The following KDM4C variants were observed in gnomAD, a reference collection of about 807,000 sequenced individuals.
KDM4C encodes the protein lysine-specific demethylase 4C.
KDM4C carries 81 observed loss-of-function variants against 129.3 expected under a neutral mutation model. That is an observed-to-expected ratio of 0.63 (90% CI 0.52 to 0.75). The LOEUF (loss-of-function observed/expected upper bound fraction) is 0.75. Among genes scored for constraint, KDM4C ranks in the 30% least tolerant of loss-of-function variants. KDM4C has a pLI of 0.00. For missense variants in KDM4C, 1,457 were observed against 1,304.0 expected (o/e 1.12, Z -1.81); for synonymous variants, 573 against 456.1 (o/e 1.26, Z -3.26).
chr9:7,066,417 C>T (rs746687806), intron 17 of KDM4C, among the ~76,000 whole-genome samples: 1 of 152,112 alleles, frequency 6.6e-6, no homozygotes. Context: ...CCCTTTTTCT[C>T]AGGTATTTCT....
intron 5 of KDM4C, among the ~76,000 whole-genome samples, chr9:6,873,265 T>C (rs1262459938): frequency 6.6e-6 from 1 of 152,148 alleles, no homozygotes; most frequent in Non-Finnish European, 1.5e-5. Flanking sequence ...GGATTACAGG[T>C]GTGCTGGGAT....
chr9:7,152,422 G>A (rs558319731), intron 19 of KDM4C, among the ~76,000 whole-genome samples: 1 of 152,310 alleles, frequency 6.6e-6, no homozygotes, highest in East Asian at 1.9e-4. Flanking sequence ...GTGGCAAATA[G>A]CAAGGTACAA....
intron 12 of KDM4C, among the ~76,000 whole-genome samples, chr9:7,006,897 C>T (rs1264372372): frequency 6.6e-6 from 1 of 152,070 alleles, no homozygotes; most frequent in Non-Finnish European, 1.5e-5. Context: ...CCAGGAGTTT[C>T]ATCTATAGGC....
At chr9:6,799,421 C>G (rs1828472170) in intron 2 of KDM4C, among the ~76,000 whole-genome samples, 1 of 152,162 alleles carries the variant, frequency 6.6e-6, no homozygotes. Context: ...GAAAACCAGT[C>G]AGGAGTGGCG....
At chr9:6,761,874 T>C (rs1819598159) in intron 1 of KDM4C, among the ~76,000 whole-genome samples, 1 of 152,070 alleles carries the variant, frequency 6.6e-6, no homozygotes. Flanking sequence ...TGCAGTGGCA[T>C]GATCTCGGCT....
chr9:6,900,096 C>G (rs746427532), intron 8 of KDM4C, among the ~76,000 whole-genome samples: 1 of 152,166 alleles, frequency 6.6e-6, no homozygotes, highest in East Asian at 1.9e-4. Context: ...GCACTAGACA[C>G]ATCTTATTTT....
rs192652640 is a variant in KDM4C at position 6,917,732 on chromosome 9, G to A, written c.921+24500G>A. ...ATTGTCTTGCTTCTCATCTCATTGA[G>A]AAAATAGAGAACTTCTGCAGACTGC... is the stretch of plus-strand genomic sequence containing the variant. On this transcript the variant is annotated intron_variant, in intron 8 of 21. Transcript: ENST00000381309. 2.4e-3 allele frequency among the ~76,000 whole-genome samples: 363 copies of A among 152,248 alleles called. 4 individuals carry two copies. The highest frequency in any genetic ancestry group is 8.5e-3 in the African/African-American group (355 of 41,556).
chr9:6,925,291 A>C (rs1822271967), intron 8 of KDM4C: 2 of 985,180 alleles, frequency 2.0e-6, no homozygotes, highest in Middle Eastern at 5.2e-4. Flanking sequence ...GGAAAATATA[A>C]TAATGGAGGT....
intron 18 of KDM4C, among the ~76,000 whole-genome samples, chr9:7,127,158 C>A (rs1304166101): frequency 6.6e-6 from 1 of 152,128 alleles, no homozygotes; most frequent in Non-Finnish European, 1.5e-5. Context: ...CAGGAAAAAT[C>A]AGCATACACC....
intron 3 of KDM4C, among the ~76,000 whole-genome samples, chr9:6,806,573 C>A (rs1053200212): frequency 6.6e-6 from 1 of 151,968 alleles, no homozygotes; most frequent in African/African-American, 2.4e-5. Context: ...CCCATAATTT[C>A]TGAAGGTCAG....
intron 5 of KDM4C, among the ~76,000 whole-genome samples, chr9:6,851,016 A>T (rs1259645196): frequency 6.6e-6 from 1 of 152,192 alleles, no homozygotes; most frequent in Non-Finnish European, 1.5e-5. Context: ...TGGCCTCCCA[A>T]AGTGCTGAAA....
At chr9:6,762,172 A>G (rs1004455046) in intron 1 of KDM4C, among the ~76,000 whole-genome samples, 14 of 152,052 alleles carry the variant, frequency 9.2e-5, no homozygotes, top group Non-Finnish European at 1.6e-4. Context: ...ATAGGTATAC[A>G]TGTGCCATGT....
intron 19 of KDM4C, among the ~76,000 whole-genome samples, chr9:7,137,685 T>C (rs1262361177): frequency 2.0e-5 from 3 of 152,232 alleles, no homozygotes; most frequent in Non-Finnish European, 4.4e-5. Flanking sequence ...TTCTGAAATA[T>C]ATGGCGAATG....
intron 19 of KDM4C, among the ~76,000 whole-genome samples, chr9:7,153,440 G>C (rs949328531): frequency 6.6e-6 from 1 of 152,166 alleles, no homozygotes; most frequent in African/African-American, 2.4e-5. Context: ...TCCTCAGAGA[G>C]CGCACATCCT....
At chr9:7,141,621 T>A (rs948050787) in intron 19 of KDM4C, among the ~76,000 whole-genome samples, 2 of 152,094 alleles carry the variant, frequency 1.3e-5, no homozygotes, top group Admixed American at 6.5e-5. Context: ...CACCTGTCAT[T>A]GAGATAGGGA....
chr9:6,819,006 T>C (rs1489549734), intron 4 of KDM4C: 1 of 152,232 alleles, frequency 6.6e-6, no homozygotes, highest in Non-Finnish European at 1.5e-5. Context: ...AAGGTTGAGC[T>C]GATGGGTCAT....
intron 8 of KDM4C, among the ~76,000 whole-genome samples, chr9:6,962,421 T>C (rs140728881): frequency 4.6e-4 from 70 of 152,350 alleles, no homozygotes; most frequent in Admixed American, 9.8e-4. Context: ...TTAAGGATAA[T>C]TGCAATTTTC....
intron 4 of KDM4C, among the ~76,000 whole-genome samples, chr9:6,829,435 C>CA (rs1237139508): frequency 6.6e-6 from 1 of 152,188 alleles, no homozygotes; most frequent in Non-Finnish European, 1.5e-5. Flanking sequence ...ACATGAAACT[C>CA]AGAGGTGAAA....
At chr9:6,901,668 G>C (rs1817433531) in intron 8 of KDM4C, among the ~76,000 whole-genome samples, 1 of 152,138 alleles carries the variant, frequency 6.6e-6, no homozygotes, top group African/African-American at 2.4e-5. Context: ...GCGAGTAACT[G>C]GTGTTTTTAG....
Sources: gnomAD v4.1 joint callset for allele counts (sites outside exome capture counted in the v4.1 genomes callset) on GRCh38, gnomAD v4.1.1 for gene constraint, MANE v1.5 for transcripts, NCBI Gene and HGNC (gene_info 2026-07-23, HGNC 2026-07-21) for gene names.